Variants in MINPP1 observed in about 807,000 individuals in gnomAD.
MINPP1 encodes multiple inositol polyphosphate phosphatase 1.
MINPP1 carries 28 observed loss-of-function variants against 46.1 expected under a neutral mutation model. The ratio of observed to expected loss-of-function variants is 0.61; its 90% CI spans 0.45 to 0.83. The LOEUF (loss-of-function observed/expected upper bound fraction) is 0.83, where lower values mean the gene tolerates loss of function less well. Among genes scored for constraint, MINPP1 ranks in the 40% least tolerant of loss-of-function variants. The pLI is 0.00. For synonymous variants in MINPP1, 268 were observed against 249.1 expected, an observed-to-expected ratio of 1.08 and a Z score of -0.72; for missense variants, 603 against 610.0, an observed-to-expected ratio of 0.99 and a Z score of 0.12.
rs74151903 is a variant in MINPP1 at position 87,544,090 on chromosome 10, C to G, written c.1068-7992C>G. ...AGGACTCAATCCCCAAGATTGCCCC[C>G]TGCCCTTTTCAGACACCAGTCATAA... On this transcript the variant is annotated intron_variant, in intron 4 of 4. Transcript: ENST00000371996. 5.5e-3 allele frequency among the ~76,000 whole-genome samples: 839 copies of G among 152,340 alleles called. 7 individuals are homozygous for G. Among genetic ancestry groups the G allele is most frequent in the African/African-American group, 0.02 (811 of 41,574 alleles).
chr10:87,538,940 T>A (rs1851775848), intron 4 of MINPP1, among the ~76,000 whole-genome samples: 1 of 152,194 alleles, frequency 6.6e-6, no homozygotes, highest in South Asian at 2.1e-4. Context: ...TAACTTGAAG[T>A]AGTTGCTTTG....
chr10:87,522,503 T>A (rs1851517137), intron 4 of MINPP1, among the ~76,000 whole-genome samples: 1 of 152,156 alleles, frequency 6.6e-6, no homozygotes, highest in African/African-American at 2.4e-5. Context: ...AGTCACACAA[T>A]TTTTTTGGTT....
intron 4 of MINPP1, among the ~76,000 whole-genome samples, chr10:87,527,271 A>G (rs990689293): frequency 1.3e-4 from 20 of 152,120 alleles, no homozygotes; most frequent in African/African-American, 4.6e-4. Context: ...CATCCCTACA[A>G]TTGTGAATGG....
chr10:87,531,060 T>A (rs2131826212), intron 4 of MINPP1, among the ~76,000 whole-genome samples: 1 of 152,130 alleles, frequency 6.6e-6, no homozygotes, highest in East Asian at 1.9e-4. Flanking sequence ...AAAAGTGCAG[T>A]ATTAGGATGG....
At chr10:87,531,596 T>C (rs985719395) in intron 4 of MINPP1, among the ~76,000 whole-genome samples, 1 of 152,142 alleles carries the variant, frequency 6.6e-6, no homozygotes, top group Admixed American at 6.5e-5. Flanking sequence ...TTCCTTACTT[T>C]GGAAAAGAGG....
At chr10:87,540,050 C>T (rs189759826) in intron 4 of MINPP1, among the ~76,000 whole-genome samples, 249 of 152,236 alleles carry the variant, frequency 1.6e-3, no homozygotes, top group African/African-American at 5.6e-3. Context: ...GGGGAGTTTT[C>T]GTAGACACAA....
chr10:87,517,348 G>A (rs971476792), intron 3 of MINPP1, among the ~76,000 whole-genome samples: 6 of 152,084 alleles, frequency 3.9e-5, no homozygotes, highest in African/African-American at 1.2e-4. Context: ...TCAGGATTCC[G>A]TAAAACATGT....
chr10:87,525,129 G>T (rs1473614803), intron 4 of MINPP1, among the ~76,000 whole-genome samples: 2 of 152,076 alleles, frequency 1.3e-5, no homozygotes, highest in Non-Finnish European at 1.5e-5. Flanking sequence ...CACAAGATGA[G>T]GTAATACCTG....
At chr10:87,506,045 A>C (rs1163772948) in intron 1 of MINPP1, among the ~76,000 whole-genome samples, 1 of 141,500 alleles carries the variant, frequency 7.1e-6, no homozygotes. Context: ...TAAACTCATC[A>C]TCTTTTTCAG....
chr10:87,520,032 T>C (rs1182057095), intron 3 of MINPP1, among the ~76,000 whole-genome samples: 1 of 132,960 alleles, frequency 7.5e-6, no homozygotes, highest in Admixed American at 8.2e-5. Context: ...ATAATCTGTA[T>C]CATTCTTAGA....
At chr10:87,522,940 C>G (rs1313109951) in intron 4 of MINPP1, among the ~76,000 whole-genome samples, 1 of 152,200 alleles carries the variant, frequency 6.6e-6, no homozygotes, top group African/African-American at 2.4e-5. Context: ...GTTGTCATTT[C>G]AACAATATTC....
At chr10:87,526,255 T>C (rs1408753754) in intron 4 of MINPP1, among the ~76,000 whole-genome samples, 1 of 152,216 alleles carries the variant, frequency 6.6e-6, no homozygotes, top group Admixed American at 6.5e-5. Context: ...TGGTGTGAGA[T>C]GGTATCTCAT....
intron 4 of MINPP1, among the ~76,000 whole-genome samples, chr10:87,551,268 A>G (rs1252836150): frequency 1.3e-5 from 2 of 152,042 alleles, no homozygotes; most frequent in Non-Finnish European, 2.9e-5. Context: ...CACTAAATTG[A>G]TAACCTGATG....
chr10:87,517,982 C>CA (rs1851437793), intron 3 of MINPP1, among the ~76,000 whole-genome samples: 1 of 114,962 alleles, frequency 8.7e-6, no homozygotes, highest in South Asian at 3.1e-4. Flanking sequence ...TTTTTTGAGA[C>CA]AGAGTCTTGC....
In MINPP1 at chr10:87,505,281, C is replaced by T. The variant is rs555432078; in HGVS notation, c.366C>T (p.Thr122=). ...CCAGGGATGGCGGGGCTAGTAGTAC[C>T]GGCAGCCGCGACCTGGGTGCAGCGC... The part of the protein sequence containing the change: ...RGSRDGGASS[T]GSRDLGAALA... Residue 122 remains threonine, a synonymous_variant, in exon 1 of 5, where the codon ACC becomes ACT. Coordinates refer to ENST00000371996, the MANE Select transcript of MINPP1 (RefSeq NM_004897.5). This position sits in a 1 kb window ranked among gnomAD's most constrained non-coding sequence, Gnocchi z 4.4. The T allele has an allele frequency of 7.5e-6, 12 of 1,610,510 alleles. No homozygotes were observed. The highest frequency in any genetic ancestry group is 4.0e-5 in the African/African-American group (3 of 74,870).
At chr10:87,526,160 A>G (rs1851573503) in intron 4 of MINPP1, among the ~76,000 whole-genome samples, 1 of 152,226 alleles carries the variant, frequency 6.6e-6, no homozygotes, top group Non-Finnish European at 1.5e-5. Context: ...GAACTAGTTT[A>G]CAGTCCAACC....
intron 4 of MINPP1, among the ~76,000 whole-genome samples, chr10:87,528,631 A>G (rs1472651872): frequency 1.3e-5 from 2 of 149,488 alleles, no homozygotes; most frequent in East Asian, 1.9e-4. Context: ...ACTTCCAACT[A>G]TGTGGTCAAT....
intron 3 of MINPP1, among the ~76,000 whole-genome samples, chr10:87,515,304 T>C (rs1246592653): frequency 6.6e-6 from 1 of 151,880 alleles, no homozygotes; most frequent in Non-Finnish European, 1.5e-5. Flanking sequence ...GGAGAATCGC[T>C]TGAACCCAGG....
intron 3 of MINPP1, among the ~76,000 whole-genome samples, chr10:87,519,579 C>G (rs1386200828): frequency 5.9e-5 from 9 of 152,256 alleles, no homozygotes; most frequent in Middle Eastern, 3.4e-3. Flanking sequence ...ACACAAGTTG[C>G]CATTGTGCTG....
Sources: gnomAD v4.1 joint callset for allele counts (sites outside exome capture counted in the v4.1 genomes callset) on GRCh38, gnomAD v4.1.1 for gene constraint, Gnocchi (gnomAD v3.1) non-coding constraint, MANE v1.5 for transcripts, NCBI Gene and HGNC (gene_info 2026-07-23, HGNC 2026-07-21) for gene names.